ARHGAP44: variants seen among roughly 807,000 people sequenced by gnomAD.
The protein encoded by ARHGAP44 is Rho GTPase activating protein 44.
ARHGAP44 carries 43 observed loss-of-function variants against 106.8 expected under a neutral mutation model. That is an observed-to-expected ratio of 0.40 (90% CI 0.32 to 0.52). The LOEUF is 0.52. Among genes scored for constraint, ARHGAP44 ranks in the 20% least tolerant of loss-of-function variants. The probability of loss-of-function intolerance (pLI) is 0.48; values close to 1 mark genes in which losing one functional copy is unlikely to be tolerated. For synonymous variants in ARHGAP44, 439 were observed against 410.3 expected (o/e 1.07, Z -0.85); for missense variants, 866 against 1,050.5 (o/e 0.82, Z 2.43).
intron 12 of ARHGAP44, among the ~76,000 whole-genome samples, chr17:12,951,131 A>G (rs1024435853): frequency 7.9e-5 from 12 of 152,174 alleles, no homozygotes; most frequent in Admixed American, 2.6e-4. Context: ...GTGAAAAGGG[A>G]GTGCTGGGTT....
At chr17:12,863,522 TC>T (rs1555548617) in intron 1 of ARHGAP44, among the ~76,000 whole-genome samples, 1 of 152,188 alleles carries the variant, frequency 6.6e-6, no homozygotes, top group Non-Finnish European at 1.5e-5. Flanking sequence ...GCCAATTTCC[TC>T]CCATTTTACC....
In ARHGAP44 at chr17:12,791,052, T is replaced by A. The variant is rs191147845; in HGVS notation, c.53+1161T>A. 1.5e-3 allele frequency among the ~76,000 whole-genome samples: 222 copies of A among 152,170 alleles called. 1 individual carries two copies. The highest frequency in any genetic ancestry group is 5.1e-3 in the African/African-American group (211 of 41,530). On this transcript the variant is annotated intron_variant, in intron 1 of 20. Transcript: ENST00000379672. Reference sequence around the variant, plus strand: ...ATCTGGTAGGATGGGGGTGGGGACATCCCTGGGGAATAGGGGACATCTGAA... The same window carrying A: ...ATCTGGTAGGATGGGGGTGGGGACAACCCTGGGGAATAGGGGACATCTGAA...
chr17:12,941,086 G>C lies in ARHGAP44; in HGVS notation c.613G>C (p.Val205Leu). 6.2e-7 allele frequency: 1 copy of C among 1,613,952 alleles called. No homozygotes were observed. Among genetic ancestry groups the C allele is most frequent in the South Asian group, 1.1e-5 (1 of 91,078 alleles). ...GCTCTCAGCTGATATGTACAGTTTT[G>C]TGGCCAAAGAAATTGACTATGCAAA... ...DQLSADMYSF[V>L]AKEIDYANYF... Residue 205 changes from valine to leucine, a missense_variant, in exon 8 of 21, where the codon GTG becomes CTG. Around this residue, in one of 2 missense-constraint regions of ARHGAP44, gnomAD observed 448 missense variants for 646.9 expected, o/e 0.69. Coordinates refer to ENST00000379672, the MANE Select transcript of ARHGAP44 (RefSeq NM_014859.6).
chr17:12,909,043 A>G, intron 4 of ARHGAP44, 70 bp downstream of exon 4: 5 of 1,323,764 alleles, frequency 3.8e-6, no homozygotes, highest in South Asian at 1.4e-5. Context: ...AGGGGACTAG[A>G]CCCTCTCAGG....
intron 1 of ARHGAP44, among the ~76,000 whole-genome samples, chr17:12,884,507 A>G (rs1287379001): frequency 6.6e-6 from 1 of 152,236 alleles, no homozygotes; most frequent in Non-Finnish European, 1.5e-5. Context: ...GTTGTCTTGT[A>G]TCTCAGTTCC....
At chr17:12,808,623 A>C (rs2034349420) in intron 1 of ARHGAP44, among the ~76,000 whole-genome samples, 2 of 152,214 alleles carry the variant, frequency 1.3e-5, no homozygotes, top group African/African-American at 4.8e-5. Context: ...GACTGCGCAA[A>C]GGAGTACGAA....
At chr17:12,960,565 C>CAAAGAAAAAA (rs769438834) in intron 16 of ARHGAP44, among the ~76,000 whole-genome samples, 6 of 149,488 alleles carry the variant, frequency 4.0e-5, no homozygotes. Flanking sequence ...GACTCCATCT[C>CAAAGAAAAAA]AAAGAAAAAA....
chr17:12,922,177 T>C (rs1033577266), intron 6 of ARHGAP44, among the ~76,000 whole-genome samples: 54 of 152,322 alleles, frequency 3.5e-4, no homozygotes, highest in Middle Eastern at 3.4e-3. Flanking sequence ...CCAATGTTAC[T>C]AAATTTTAGA....
At chr17:12,884,287 T>C (rs2036821230) in intron 1 of ARHGAP44, among the ~76,000 whole-genome samples, 1 of 152,176 alleles carries the variant, frequency 6.6e-6, no homozygotes, top group Non-Finnish European at 1.5e-5. Context: ...CTTTGTGCTA[T>C]TTTTTCTATA....
intron 1 of ARHGAP44, among the ~76,000 whole-genome samples, chr17:12,857,437 G>A (rs373125925): frequency 5.9e-5 from 9 of 152,270 alleles, no homozygotes; most frequent in African/African-American, 2.2e-4. Flanking sequence ...GAGAGCAAGA[G>A]TGTGCATGTC....
Position 12,991,168 on chromosome 17 carries a change from G to A in ARHGAP44, c.*997G>A, listed in dbSNP as rs2040129831. On this transcript the variant is annotated 3_prime_UTR_variant, in exon 21 of 21. Transcript: ENST00000379672. ...CAGCCGCTCATTTCCTTCTCATGAAGTCCCATCTGGTCATGGGGACGAGGG... is the reference window on the plus strand; with the variant it reads ...CAGCCGCTCATTTCCTTCTCATGAAATCCCATCTGGTCATGGGGACGAGGG... 6.5e-6 allele frequency: 1 copy of A among 152,748 alleles called. No homozygotes were observed. The highest frequency in any genetic ancestry group is 2.1e-4 in the South Asian group (1 of 4,836). 9.5% of individuals were successfully genotyped at this position (152,748 alleles called of 1,614,324 possible). A position where few individuals can be genotyped will look rare whatever the true frequency, so the allele number is the denominator to read the frequency against.
At chr17:12,969,280 TTC>T (rs1226587601) in intron 16 of ARHGAP44, among the ~76,000 whole-genome samples, 1 of 150,204 alleles carries the variant, frequency 6.7e-6, no homozygotes, top group African/African-American at 2.4e-5. Flanking sequence ...CCTGCGTTCA[TTC>T]TCTTTCTTTC....
chr17:12,861,397 G>A (rs569836018), intron 1 of ARHGAP44, among the ~76,000 whole-genome samples: 11 of 152,188 alleles, frequency 7.2e-5, no homozygotes, highest in Admixed American at 2.0e-4. Context: ...CAGAAGTCTG[G>A]CACAGGTCTT....
chr17:12,945,096 C>T (rs1191577407), intron 10 of ARHGAP44, among the ~76,000 whole-genome samples: 8 of 151,142 alleles, frequency 5.3e-5, no homozygotes, highest in Admixed American at 1.3e-4. Flanking sequence ...CTGCAACCTC[C>T]GCCTCCTGGG....
chr17:12,846,348 C>T (rs991306994), intron 1 of ARHGAP44, among the ~76,000 whole-genome samples: 4 of 152,152 alleles, frequency 2.6e-5, no homozygotes, highest in African/African-American at 7.2e-5. Flanking sequence ...AGGCAGCCCC[C>T]ATCTATTAAC....
At chr17:12,929,098 G>A (rs2038328932) in intron 7 of ARHGAP44, 52 bp downstream of exon 7, 1 of 1,516,354 alleles carries the variant, frequency 6.6e-7, no homozygotes, top group Non-Finnish European at 9.0e-7. Flanking sequence ...GAGCCCTCAG[G>A]GATTCCCTTT....
intron 1 of ARHGAP44, among the ~76,000 whole-genome samples, chr17:12,795,985 C>T (rs1273344830): frequency 6.6e-6 from 1 of 151,798 alleles, no homozygotes; most frequent in Admixed American, 6.6e-5. Flanking sequence ...CTTTTTTTAA[C>T]CTTCATTTTG....
intron 1 of ARHGAP44, among the ~76,000 whole-genome samples, chr17:12,813,069 T>C (rs956902585): frequency 6.6e-6 from 1 of 152,228 alleles, no homozygotes; most frequent in African/African-American, 2.4e-5. Context: ...AATGCTGCAG[T>C]CAGGCCAGTC....
chr17:12,843,651 C>CTTTTTTTT (rs146749216), intron 1 of ARHGAP44, among the ~76,000 whole-genome samples: 10 of 97,122 alleles, frequency 1.0e-4, no homozygotes, highest in Admixed American at 2.3e-4. Context: ...GTATTGGTTA[C>CTTTTTTTT]TTTTTTTTTT....
Sources: gnomAD v4.1 joint callset for allele counts (sites outside exome capture counted in the v4.1 genomes callset) on GRCh38, gnomAD v4.1.1 for gene constraint, gnomAD v4.1.1 regional missense constraint, MANE v1.5 for transcripts, NCBI Gene and HGNC (gene_info 2026-07-23, HGNC 2026-07-21) for gene names.